PITRM1: variants seen among roughly 807,000 people sequenced by gnomAD.
The protein encoded by PITRM1 is pitrilysin metallopeptidase 1, also known as presequence protease, mitochondrial.
PITRM1 carries 100 observed loss-of-function variants against 129.9 expected under a neutral mutation model. That is an observed-to-expected ratio of 0.77 (90% CI 0.65 to 0.91). The LOEUF is 0.91. Ranked by LOEUF, PITRM1 falls within the 40% of genes least tolerant of loss-of-function variation. The pLI, the probability that PITRM1 is intolerant of heterozygous loss-of-function variation, is 0.00. For missense variants in PITRM1, 1,471 were observed against 1,318.3 expected (o/e 1.12, Z -1.79); for synonymous variants, 591 against 508.8 (o/e 1.16, Z -2.17).
chr10:3,170,231 G>A, intron 1 of PITRM1, 25 bp from the exon 2 acceptor site: 1 of 1,561,206 alleles, frequency 6.4e-7, no homozygotes, highest in South Asian at 1.1e-5. Flanking sequence ...ATCTAAGTTA[G>A]ATGAGTTGCA....
At chr10:3,157,366 C>T (rs971284597) in intron 12 of PITRM1, 69 bp downstream of exon 12, 2 of 895,742 alleles carry the variant, frequency 2.2e-6, no homozygotes, top group South Asian at 1.7e-5. Flanking sequence ...ATCAAAAAGC[C>T]AGTTAAGCTA....
chr10:3,151,418 G>T, intron 14 of PITRM1, 55 bp from the exon 15 acceptor site: 1 of 1,007,374 alleles, frequency 9.9e-7, no homozygotes, highest in East Asian at 2.6e-5. Flanking sequence ...AAGGTTTGAT[G>T]CAACTTGTCT....
At chr10:3,147,426 AAACCAACC>A (rs1841005475) in intron 19 of PITRM1, 138 bp downstream of exon 19, 1 of 1,102,144 alleles carries the variant, frequency 9.1e-7, no homozygotes, top group South Asian at 1.4e-5. Context: ...AGATGAGTCA[AAACCAACC>A]AACCAATTCT....
At chr10:3,166,182 T>G (rs770781719) in intron 4 of PITRM1, 47 bp downstream of exon 4, 4 of 1,485,918 alleles carry the variant, frequency 2.7e-6, no homozygotes, top group Non-Finnish European at 3.6e-6. Flanking sequence ...CCAGTGGGTG[T>G]GCCTGGCAAA....
chr10:3,153,074 C>G (rs1841660736), intron 14 of PITRM1, among the ~76,000 whole-genome samples: 1 of 152,220 alleles, frequency 6.6e-6, no homozygotes. Context: ...TCACAGAACC[C>G]TAACACTGCC....
Position 3,138,043 on chromosome 10 carries a change from C to G in PITRM1, c.3102G>C (p.Trp1034Cys), listed in dbSNP as rs746834292. 2 of 1,604,932 alleles carry G rather than the reference C, an allele frequency of 1.2e-6. No homozygotes were observed. Among genetic ancestry groups the G allele is most frequent in the Non-Finnish European group, 1.7e-6 (2 of 1,175,314 alleles). The change falls in exon 27 of 27, where the codon TGG (tryptophan) becomes TGC (cysteine). Residue 1034 changes from tryptophan to cysteine, a missense_variant. By Grantham distance (215) the Trp-to-Cys change is radical. Transcript: ENST00000224949. ...ENPKIAKDPSWIIQ is the reference protein window; with the variant it reads ...ENPKIAKDPSCIIQ ...GCGCCACGGCTGCTCATTGGATGAT[C>G]CAGGATGGGTCCTTGGCAATTTTCG...
chr10:3,167,049 T>A lies in PITRM1; in HGVS notation c.160-7A>T. On this transcript the variant is annotated splice_region_variant and splice_polypyrimidine_tract_variant and intron_variant, in intron 2 of 26. Coordinates refer to ENST00000224949, the MANE Select transcript of PITRM1 (RefSeq NM_014889.4). Reference sequence around the variant, plus strand: ...GCTCGGGAACAGATGTCACCTGAGTTAACAAGAAAAACACGACCAGTTAAA... The same window carrying A: ...GCTCGGGAACAGATGTCACCTGAGTAAACAAGAAAAACACGACCAGTTAAA... 6.4e-7 allele frequency: 1 copy of A among 1,573,772 alleles called. No homozygotes were observed. The highest frequency in any genetic ancestry group is 8.7e-7 in the Non-Finnish European group (1 of 1,152,262).
chr10:3,151,953 G>T (rs896936052), intron 14 of PITRM1, among the ~76,000 whole-genome samples: 1 of 151,464 alleles, frequency 6.6e-6, no homozygotes, highest in Non-Finnish European at 1.5e-5. Flanking sequence ...TTGCCATGTT[G>T]CCCAGGCTGT....
At chr10:3,172,834 CG>C, upstream of PITRM1, 1 of 1,494,062 alleles carries the variant, frequency 6.7e-7, no homozygotes. Context: ...GGGCGCGGGG[CG>C]GGGCTTGCCG....
intron 9 of PITRM1, 135 bp from the exon 10 acceptor site, chr10:3,159,177 G>A: frequency 1.2e-6 from 1 of 806,676 alleles, no homozygotes. Context: ...ACAATTTTAT[G>A]AGCAGAAGAG....
At chr10:3,142,802 C>T (rs1840391451) in intron 23 of PITRM1, among the ~76,000 whole-genome samples, 1 of 152,180 alleles carries the variant, frequency 6.6e-6, no homozygotes, top group African/African-American at 2.4e-5. Context: ...GTGAGGCGGC[C>T]TCCAGCCCTG....
intron 2 of PITRM1, among the ~76,000 whole-genome samples, chr10:3,168,692 G>A (rs1156903533): frequency 6.6e-6 from 1 of 152,070 alleles, no homozygotes; most frequent in African/African-American, 2.4e-5. Context: ...CTCCCCTGCC[G>A]CCCTGTGAAG....
At chr10:3,156,166 T>C (rs1055576466) in intron 13 of PITRM1, among the ~76,000 whole-genome samples, 3 of 152,238 alleles carry the variant, frequency 2.0e-5, no homozygotes, top group African/African-American at 4.8e-5. Context: ...TAGAACTACA[T>C]TTCCCATTCA....
chr10:3,163,352 A>T (rs1661446582), intron 7 of PITRM1: 2 of 158,678 alleles, frequency 1.3e-5, no homozygotes, highest in Admixed American at 6.5e-5. Flanking sequence ...CTATTGGAAG[A>T]GCACTTCTCC....
intron 2 of PITRM1, among the ~76,000 whole-genome samples, chr10:3,169,695 G>T (rs886668621): frequency 1.3e-5 from 2 of 152,188 alleles, no homozygotes; most frequent in South Asian, 4.1e-4. Flanking sequence ...TCTGAAACCC[G>T]AATGGCTCAG....
At position 3,159,064 on chromosome 10, in the gene PITRM1, C is replaced by A. The variant is rs200301453; in HGVS notation, c.1008-22G>T. 2,973 of 1,589,862 alleles carry A rather than the reference C, an allele frequency of 1.9e-3. 5 individuals are homozygous for A. Among genetic ancestry groups the A allele is most frequent in the Non-Finnish European group, 2.4e-3 (2,828 of 1,168,298 alleles). The stretch of plus-strand genomic sequence containing the variant: ...GATGCTGCATTGAAAAAAAAAGGAA[C>A]GGGGAGGTAAGAAAAGAGTAAAGGG... On this transcript the variant is annotated intron_variant, in intron 9 of 26. Transcript: ENST00000224949.
rs78634532 is a variant in PITRM1, at chr10:3,167,220, C to A, written c.160-178G>T. Among the ~76,000 whole-genome samples the A allele has an allele frequency of 0.019, 2,863 of 152,116 alleles. 46 individuals carry two copies. Among genetic ancestry groups the A allele is most frequent in the Non-Finnish European group, 0.031 (2,114 of 67,988 alleles). On this transcript the variant is annotated intron_variant, in intron 2 of 26. Transcript: ENST00000224949. Reference sequence around the variant, plus strand: ...TTGTCCAGGTCCCTTATCCTACAAACAAGGAAAGACAGACCTAAAAAAGGC... The same window carrying A: ...TTGTCCAGGTCCCTTATCCTACAAAAAAGGAAAGACAGACCTAAAAAAGGC...
intron 14 of PITRM1, among the ~76,000 whole-genome samples, chr10:3,154,009 G>A (rs1441610695): frequency 6.6e-6 from 1 of 152,168 alleles, no homozygotes; most frequent in Non-Finnish European, 1.5e-5. Flanking sequence ...GGCCTTTCTA[G>A]CACCCCAAAA....
chr10:3,150,365 CAGAGA>C (rs1349149744), intron 15 of PITRM1, among the ~76,000 whole-genome samples: 1 of 152,226 alleles, frequency 6.6e-6, no homozygotes, highest in African/African-American at 2.4e-5. Flanking sequence ...GTTAACAGAT[CAGAGA>C]GATGTCAGCC....
Sources: gnomAD v4.1 joint callset for allele counts (sites outside exome capture counted in the v4.1 genomes callset) on GRCh38, gnomAD v4.1.1 for gene constraint, MANE v1.5 for transcripts, NCBI Gene and HGNC (gene_info 2026-07-23, HGNC 2026-07-21) for gene names.